Variants in TTC29 observed in about 807,000 individuals in gnomAD.
The protein encoded by TTC29 is tetratricopeptide repeat protein 29.
A neutral mutation model predicts 58.1 loss-of-function variants in TTC29; 49 were observed. That is an observed-to-expected ratio of 0.84 (90% CI 0.67 to 1.07). The LOEUF (loss-of-function observed/expected upper bound fraction) is 1.07, where lower values mean the gene tolerates loss of function less well. Ranked by LOEUF, TTC29 falls within the 50% of genes least tolerant of loss-of-function variation. TTC29 has a pLI of 0.00. For missense variants in TTC29, 582 were observed against 555.6 expected, an observed-to-expected ratio of 1.05 and a Z score of -0.48; for synonymous variants, 209 against 196.8, an observed-to-expected ratio of 1.06 and a Z score of -0.52.
chr4:146,792,268 C>G (rs886714906), intron 11 of TTC29, among the ~76,000 whole-genome samples: 2 of 152,172 alleles, frequency 1.3e-5, no homozygotes, highest in African/African-American at 4.8e-5. Context: ...CAGCTGGTGA[C>G]TTTGACGTTG....
rs1292958342 is a variant in TTC29, at chr4:146,901,363, CATATAA to C, written c.586+2175_586+2180del. On this transcript the variant is annotated intron_variant, in intron 6 of 12. Transcript: ENST00000325106. The stretch of plus-strand genomic sequence containing the variant: ...ACGTGTTAGTGTATGATATATGCAC[CATATAA>C]ATATATTTTACATTGTTTTATATCT... Among the ~76,000 whole-genome samples, 12 of 152,190 alleles carry C rather than the reference CATATAA, an allele frequency of 7.9e-5. No individual in the cohort carries two copies. The East Asian group carries it at 2.3e-3, about 29-fold the overall frequency.
intron 9 of TTC29, among the ~76,000 whole-genome samples, chr4:146,822,101 G>C (rs1751882907): frequency 7.5e-6 from 1 of 132,752 alleles, no homozygotes; most frequent in South Asian, 2.5e-4. Context: ...CATGTTGCAA[G>C]TTCAGAAAGT....
At chr4:146,819,794 T>C (rs972217974) in intron 10 of TTC29, among the ~76,000 whole-genome samples, 1 of 152,196 alleles carries the variant, frequency 6.6e-6, no homozygotes, top group Non-Finnish European at 1.5e-5. Flanking sequence ...AGCCAACAGT[T>C]ATAATCAATT....
At chr4:146,893,481 T>C (rs1460000914) in intron 6 of TTC29, among the ~76,000 whole-genome samples, 2 of 152,190 alleles carry the variant, frequency 1.3e-5, no homozygotes, top group African/African-American at 2.4e-5. Flanking sequence ...TAGCCGTATA[T>C]ATCAAAAGCT....
chr4:146,837,293 T>C (rs1410326025), intron 8 of TTC29, among the ~76,000 whole-genome samples: 1 of 151,904 alleles, frequency 6.6e-6, no homozygotes, highest in East Asian at 1.9e-4. Context: ...TGCTAAATGA[T>C]GGGAACTCAT....
intron 11 of TTC29, among the ~76,000 whole-genome samples, chr4:146,725,037 C>T (rs979463321): frequency 2.0e-5 from 3 of 152,108 alleles, no homozygotes; most frequent in African/African-American, 7.2e-5. Flanking sequence ...TGAATACTAG[C>T]TTTGGAAGAT....
chr4:146,901,360 C>T (rs1733136767), intron 6 of TTC29, among the ~76,000 whole-genome samples: 1 of 152,122 alleles, frequency 6.6e-6, no homozygotes, highest in African/African-American at 2.4e-5. Flanking sequence ...ATGATATATG[C>T]ACCATATAAA....
At chr4:146,723,637 C>T (rs1244071271) in intron 11 of TTC29, among the ~76,000 whole-genome samples, 4 of 152,204 alleles carry the variant, frequency 2.6e-5, no homozygotes, top group African/African-American at 9.6e-5. Flanking sequence ...AAGTGCTCCA[C>T]ATAACTAATC....
chr4:146,904,453 T>C (rs558247532), intron 5 of TTC29, among the ~76,000 whole-genome samples: 2 of 151,846 alleles, frequency 1.3e-5, no homozygotes, highest in South Asian at 2.1e-4. Flanking sequence ...GTATCTAACC[T>C]ATATCTACAT....
At chr4:146,907,448 A>G (rs577376379) in intron 5 of TTC29, among the ~76,000 whole-genome samples, 5 of 152,320 alleles carry the variant, frequency 3.3e-5, no homozygotes, top group Non-Finnish European at 5.9e-5. Context: ...CAGTTTAAAT[A>G]TCACTGTAGA....
chr4:146,745,209 C>A (rs1579577180), intron 11 of TTC29, among the ~76,000 whole-genome samples: 1 of 152,278 alleles, frequency 6.6e-6, no homozygotes, highest in African/African-American at 2.4e-5. Context: ...AGGAGTCGAG[C>A]AAGAGCCTAG....
intron 8 of TTC29, among the ~76,000 whole-genome samples, chr4:146,852,764 T>G (rs1424263696): frequency 2.6e-5 from 4 of 152,228 alleles, no homozygotes; most frequent in Admixed American, 2.0e-4. Flanking sequence ...TATTCAACAC[T>G]GTGCACCAAA....
chr4:146,774,383 T>A (rs561176614), intron 11 of TTC29, among the ~76,000 whole-genome samples: 1 of 152,286 alleles, frequency 6.6e-6, no homozygotes, highest in East Asian at 1.9e-4. Flanking sequence ...AACTTCCCAG[T>A]TAATGTTGCT....
intron 7 of TTC29, 137 bp downstream of exon 7, chr4:146,874,579 A>G: frequency 8.3e-6 from 6 of 721,776 alleles, no homozygotes; most frequent in Non-Finnish European, 1.1e-5. Flanking sequence ...TGAAATTTGA[A>G]AGTAAATTGA....
At chr4:146,894,526 G>A (rs1341316945) in intron 6 of TTC29, among the ~76,000 whole-genome samples, 1 of 137,550 alleles carries the variant, frequency 7.3e-6, no homozygotes, top group African/African-American at 2.8e-5. Flanking sequence ...ACCAGGGCCT[G>A]TTGTGGGGTT....
intron 11 of TTC29, among the ~76,000 whole-genome samples, chr4:146,708,340 A>ATATATATATATATATATATATATG (rs1561046985): frequency 7.4e-5 from 3 of 40,448 alleles, no homozygotes; most frequent in African/African-American, 1.9e-4. Flanking sequence ...ATATATATAT[A>ATATATATATATATATATATATATG]TATATATATA....
At chr4:146,832,744 G>A (rs9799699) in intron 9 of TTC29, among the ~76,000 whole-genome samples, 9,531 of 151,924 alleles carry the variant, frequency 0.063, 403 homozygotes, top group Admixed American at 0.13. Flanking sequence ...TGCTCACCTC[G>A]GCCTCTCAAA....
At chr4:146,920,384 T>C (rs1195789757) in intron 4 of TTC29, among the ~76,000 whole-genome samples, 1 of 150,898 alleles carries the variant, frequency 6.6e-6, no homozygotes, top group African/African-American at 2.4e-5. Flanking sequence ...TTAAAAATAA[T>C]GGCAAGAAAA....
At chr4:146,843,179 AGT>A (rs2150171818) in intron 8 of TTC29, among the ~76,000 whole-genome samples, 1 of 151,742 alleles carries the variant, frequency 6.6e-6, no homozygotes, top group Non-Finnish European at 1.5e-5. Flanking sequence ...GGCAAATAGC[AGT>A]GGCCCCACAT....
Sources: allele counts gnomAD v4.1 joint callset (sites outside exome capture counted in the v4.1 genomes callset), GRCh38; gene constraint gnomAD v4.1.1; transcripts MANE v1.5; gene names NCBI Gene and HGNC (gene_info 2026-07-23, HGNC 2026-07-21).